Variants in PELI2 observed in about 807,000 individuals in gnomAD.
PELI2 encodes the protein pellino E3 ubiquitin protein ligase family member 2.
In PELI2, 23 loss-of-function variants were observed where a neutral mutation model predicts 42.3. The observed-to-expected ratio is 0.54, with a 90% CI of 0.39 to 0.77. The LOEUF (loss-of-function observed/expected upper bound fraction) is 0.77. Among genes scored for constraint, PELI2 ranks in the 30% least tolerant of loss-of-function variants. The pLI, the probability that PELI2 is intolerant of heterozygous loss-of-function variation, is 0.00. For synonymous variants in PELI2, 245 were observed against 212.2 expected (o/e 1.15, Z -1.34); for missense variants, 463 against 553.2 (o/e 0.84, Z 1.64).
chr14:56,126,433 A>T (rs1011882111), intron 1 of PELI2, among the ~76,000 whole-genome samples: 6 of 152,370 alleles, frequency 3.9e-5, no homozygotes, highest in Middle Eastern at 3.4e-3. Context: ...CACTCTGCTT[A>T]TCCCTGCTTT....
At chr14:56,165,044 A>AT (rs1884903593) in intron 1 of PELI2, among the ~76,000 whole-genome samples, 1 of 144,612 alleles carries the variant, frequency 6.9e-6, no homozygotes, top group Non-Finnish European at 1.5e-5. Context: ...TTCTGCTCTG[A>AT]TCTTTATTAT....
At chr14:56,235,719 G>T (rs1467522478) in intron 2 of PELI2, among the ~76,000 whole-genome samples, 1 of 152,232 alleles carries the variant, frequency 6.6e-6, no homozygotes, top group African/African-American at 2.4e-5. Flanking sequence ...AAGGATGGAA[G>T]ATGGATATTT....
At chr14:56,134,695 G>A (rs531900030) in intron 1 of PELI2, among the ~76,000 whole-genome samples, 4 of 151,918 alleles carry the variant, frequency 2.6e-5, no homozygotes, top group East Asian at 1.9e-4. Flanking sequence ...AGTGATAACC[G>A]TGAAAGCCAA....
chr14:56,142,811 A>C (rs1883965963), intron 1 of PELI2, among the ~76,000 whole-genome samples: 1 of 152,136 alleles, frequency 6.6e-6, no homozygotes, highest in East Asian at 1.9e-4. Context: ...TAAGATTAAA[A>C]AATTATAGGA....
At chr14:56,228,227 C>T (rs1887431219) in intron 2 of PELI2, among the ~76,000 whole-genome samples, 1 of 152,184 alleles carries the variant, frequency 6.6e-6, no homozygotes, top group South Asian at 2.1e-4. Flanking sequence ...GTGACAGGAA[C>T]ATTATTATTT....
chr14:56,160,973 G>C (rs1833420447), intron 1 of PELI2, among the ~76,000 whole-genome samples: 1 of 152,060 alleles, frequency 6.6e-6, no homozygotes, highest in Non-Finnish European at 1.5e-5. Context: ...CTTTTATTGG[G>C]CCCCTCCTCT....
At chr14:56,274,211 T>A (rs1889210728) in intron 2 of PELI2, among the ~76,000 whole-genome samples, 1 of 151,980 alleles carries the variant, frequency 6.6e-6, no homozygotes. Flanking sequence ...AGGACATTAG[T>A]AAGGCAACCA....
rs183140946 is a variant in PELI2, at chr14:56,288,269, C to T, written c.310-168C>T. On this transcript the variant is annotated intron_variant, in intron 3 of 5. Coordinates refer to ENST00000267460, the MANE Select transcript of PELI2 (RefSeq NM_021255.3). The surrounding 1 kb of genome is among the most constrained non-coding windows in gnomAD (Gnocchi z 4.6). ...TAATATTTGGTTACCCTAATATCTT[C>T]CCTAGTTAAATAGGAAAAGGAGCAC... 1.0e-3 allele frequency among the ~76,000 whole-genome samples: 158 copies of T among 152,250 alleles called. No homozygotes were observed. The highest frequency in any genetic ancestry group is 3.6e-3 in the African/African-American group (150 of 41,548).
At chr14:56,295,808 C>T (rs944286926) in intron 5 of PELI2, among the ~76,000 whole-genome samples, 14 of 152,160 alleles carry the variant, frequency 9.2e-5, no homozygotes, top group African/African-American at 2.9e-4. Context: ...TTGAACAGTG[C>T]TTTACTGGCC....
At chr14:56,206,037 C>T (rs1431699952) in intron 2 of PELI2, among the ~76,000 whole-genome samples, 1 of 152,112 alleles carries the variant, frequency 6.6e-6, no homozygotes, top group Non-Finnish European at 1.5e-5. Flanking sequence ...AACCGGCGCT[C>T]CCAGGAGGAA....
At chr14:56,282,917 CAG>C (rs1054122752) in intron 3 of PELI2, among the ~76,000 whole-genome samples, 4 of 151,844 alleles carry the variant, frequency 2.6e-5, no homozygotes, top group South Asian at 2.1e-4. Context: ...ATTTTTTTTA[CAG>C]AGAGAATTCT....
chr14:56,275,004 G>T (rs551508391), intron 2 of PELI2, among the ~76,000 whole-genome samples: 5 of 152,228 alleles, frequency 3.3e-5, no homozygotes, highest in Admixed American at 1.3e-4. Context: ...AGTAGGGAAG[G>T]TGAGGGGAAG....
intron 1 of PELI2, among the ~76,000 whole-genome samples, chr14:56,126,542 C>T (rs568842170): frequency 5.1e-4 from 78 of 152,290 alleles, no homozygotes; most frequent in East Asian, 1.3e-3. Context: ...TTAACCAGAG[C>T]GAGCAGTTGT....
chr14:56,216,572 T>C (rs1256317051), intron 2 of PELI2, among the ~76,000 whole-genome samples: 1 of 152,274 alleles, frequency 6.6e-6, no homozygotes, highest in Admixed American at 6.5e-5. Context: ...AAATTCTAAC[T>C]CTCTTATTTG....
rs1204489275 is a variant in PELI2 at position 56,290,268 on chromosome 14, G to A, written c.508G>A (p.Glu170Lys). ...TTCTGTTCTGCTGTGTTCTCTCCAG[G>A]AAAAGGCAGCAAAGTGGAAAAACCC... is the stretch of plus-strand genomic sequence containing the variant. ...FDSSKNIFLG[E>K]KAAKWKNPDG... Residue 170 changes from glutamate to lysine, a missense_variant and splice_region_variant, in exon 5 of 6, where the codon GAA becomes AAA. Coordinates refer to ENST00000267460, the MANE Select transcript of PELI2 (RefSeq NM_021255.3). The A allele has an allele frequency of 3.2e-6, 5 of 1,583,696 alleles. No individual in the cohort carries two copies.
Position 56,178,534 on chromosome 14 carries a change from C to T in PELI2, c.207+70C>T. 5 of 1,532,042 alleles carry T rather than the reference C, an allele frequency of 3.3e-6. 1 individual carries two copies. In the South Asian group the frequency reaches 3.4e-5, roughly 10 times the overall value. The allele number at this position is 1,532,042 out of a possible 1,614,324, so 94.9% of individuals were successfully genotyped here. A position where few individuals can be genotyped will look rare whatever the true frequency, so the allele number is the denominator to read the frequency against. On this transcript the variant is annotated intron_variant, in intron 2 of 5. Coordinates refer to ENST00000267460, the MANE Select transcript of PELI2 (RefSeq NM_021255.3). ...ACTCACAGATACTCCTTGTCCGCTG[C>T]TCTCTTTCCTTTCGTCTTTTCATGT...
At chr14:56,188,641 T>G (rs1885854477) in intron 2 of PELI2, among the ~76,000 whole-genome samples, 1 of 152,224 alleles carries the variant, frequency 6.6e-6, no homozygotes, top group Non-Finnish European at 1.5e-5. Context: ...TAAAAACTTG[T>G]GTGTATCTCT....
chr14:56,147,091 A>G (rs1884152423), intron 1 of PELI2, among the ~76,000 whole-genome samples: 2 of 152,082 alleles, frequency 1.3e-5, no homozygotes, highest in Admixed American at 1.3e-4. Context: ...ACTTAACATA[A>G]TGTTTTCATT....
intron 2 of PELI2, among the ~76,000 whole-genome samples, chr14:56,230,624 T>G (rs1184408321): frequency 1.3e-5 from 2 of 152,142 alleles, no homozygotes; most frequent in African/African-American, 4.8e-5. Context: ...AAGGAACAAC[T>G]GGTACCAGCC....
Sources: gnomAD v4.1 joint callset for allele counts (sites outside exome capture counted in the v4.1 genomes callset) on GRCh38, gnomAD v4.1.1 for gene constraint, Gnocchi (gnomAD v3.1) non-coding constraint, MANE v1.5 for transcripts, NCBI Gene and HGNC (gene_info 2026-07-23, HGNC 2026-07-21) for gene names.